The following CRBN variants were observed in gnomAD, a reference collection of about 807,000 sequenced individuals.
CRBN encodes protein cereblon.
CRBN carries 53 observed loss-of-function variants against 62.2 expected under a neutral mutation model. The ratio of observed to expected loss-of-function variants is 0.85; its 90% confidence interval spans 0.68 to 1.07. The LOEUF is 1.07. Among genes scored for constraint, CRBN ranks in the 50% least tolerant of loss-of-function variants. The probability of loss-of-function intolerance (pLI) is 0.00; values close to 1 mark genes in which losing one functional copy is unlikely to be tolerated. For synonymous variants in CRBN, 208 were observed against 176.1 expected (o/e 1.18, Z -1.43); for missense variants, 616 against 531.1 (o/e 1.16, Z -1.57).
intron 5 of CRBN, among the ~76,000 whole-genome samples, chr3:3,161,363 A>G (rs1575088734): frequency 6.6e-6 from 1 of 152,236 alleles, no homozygotes; most frequent in Non-Finnish European, 1.5e-5. Flanking sequence ...TCAATGTAAT[A>G]TATTTCACTT....
intron 10 of CRBN, among the ~76,000 whole-genome samples, chr3:3,152,228 G>GC (rs1237686090): frequency 6.6e-6 from 1 of 150,410 alleles, no homozygotes; most frequent in Non-Finnish European, 1.5e-5. Context: ...TTGGCTCACT[G>GC]CAACACTCTT....
intron 1 of CRBN, 111 bp downstream of exon 1, chr3:3,179,510 T>G (rs1258895221): frequency 3.8e-6 from 4 of 1,053,792 alleles, no homozygotes; most frequent in Non-Finnish European, 5.8e-6. Flanking sequence ...CCTGCTGGGC[T>G]GGCTCGCCAG....
At chr3:3,175,791 T>C (rs1037122146) in intron 1 of CRBN, among the ~76,000 whole-genome samples, 1 of 152,142 alleles carries the variant, frequency 6.6e-6, no homozygotes, top group African/African-American at 2.4e-5. Flanking sequence ...TTTTGTAGAG[T>C]ATCCCTCAAC....
At chr3:3,159,710 G>A (rs1400563169) in intron 5 of CRBN, among the ~76,000 whole-genome samples, 2 of 152,118 alleles carry the variant, frequency 1.3e-5, no homozygotes, top group African/African-American at 4.8e-5. Context: ...CTTAATATTT[G>A]TGATGTGTGT....
chr3:3,174,072 C>T lies in CRBN; in HGVS notation c.364G>A (p.Val122Ile). 1 of 1,613,970 alleles carries T rather than the reference C, an allele frequency of 6.2e-7. No individual in the cohort carries two copies. Among genetic ancestry groups the T allele is most frequent in the South Asian group, 1.1e-5 (1 of 91,082 alleles). ...CTAATATTTTACCTGTATGCAAGAACAGCAAAGGTTCTATCTTTCTGAATT... is the reference window on the plus strand; with the variant it reads ...CTAATATTTTACCTGTATGCAAGAATAGCAAAGGTTCTATCTTTCTGAATT... ...NLIQKDRTFA[V>I]LAYSNVQERE... The change falls in exon 3 of 11, where the codon GTT becomes ATT. Residue 122 changes from valine (V) to isoleucine (I), a missense_variant. Coordinates refer to ENST00000231948, the MANE Select transcript of CRBN (RefSeq NM_016302.4).
Position 3,154,054 on chromosome 3 carries a change from G to GC in CRBN, c.856dup (p.Ala286GlyfsTer6), listed in dbSNP as rs1322707721. On this transcript the variant is annotated frameshift_variant, in exon 8 of 11. Coordinates refer to ENST00000231948, the MANE Select transcript of CRBN (RefSeq NM_016302.4). LOFTEE classifies it high-confidence loss of function. Reference sequence around the variant, plus strand: ...CAATACATCATCAATAGGAAGACAAGCAGCTACTCTGTAAGAAAAATCTTC... The same window carrying GC: ...CAATACATCATCAATAGGAAGACAAGCCAGCTACTCTGTAAGAAAAATCTTC... The GC allele has an allele frequency of 6.2e-7, 1 of 1,612,318 alleles. No homozygotes were observed. The highest frequency in any genetic ancestry group is 8.5e-7 in the Non-Finnish European group (1 of 1,178,478).
intron 9 of CRBN, 109 bp from the exon 10 acceptor site, chr3:3,152,696 G>T: frequency 7.6e-7 from 1 of 1,323,346 alleles, no homozygotes; most frequent in Non-Finnish European, 1.1e-6. Context: ...GAGCTATACA[G>T]TTTTTAATCC....
intron 5 of CRBN, among the ~76,000 whole-genome samples, chr3:3,158,248 A>G (rs898215631): frequency 1.3e-5 from 2 of 152,194 alleles, no homozygotes; most frequent in African/African-American, 2.4e-5. Flanking sequence ...TTGCGCTCCT[A>G]TAAGAATCTA....
intron 1 of CRBN, among the ~76,000 whole-genome samples, chr3:3,179,381 TA>T (rs1707971698): frequency 6.6e-6 from 1 of 152,154 alleles, no homozygotes; most frequent in African/African-American, 2.4e-5. Context: ...TTCCTGTTCT[TA>T]ATAGCAAATG....
chr3:3,153,790 A>G (rs1706745956), intron 8 of CRBN, 170 bp downstream of exon 8: 2 of 647,952 alleles, frequency 3.1e-6, no homozygotes, highest in East Asian at 2.7e-5. Context: ...AAATGTATTC[A>G]TATTTGACAA....
At chr3:3,156,631 G>GA in intron 5 of CRBN, 1 of 268,260 alleles carries the variant, frequency 3.7e-6, no homozygotes, top group Non-Finnish European at 7.1e-6. Context: ...TCCAGTATCT[G>GA]AAGTGAAAAC....
intron 1 of CRBN, among the ~76,000 whole-genome samples, chr3:3,177,827 T>C (rs75333422): frequency 0.015 from 2,284 of 152,266 alleles, 18 homozygotes; most frequent in Non-Finnish European, 0.022. Context: ...ATCTCAAATA[T>C]AAAGCTTTTT....
At chr3:3,171,093 CTGTGCG>C (rs1372459384) in intron 4 of CRBN, among the ~76,000 whole-genome samples, 8 of 152,338 alleles carry the variant, frequency 5.3e-5, no homozygotes, top group Non-Finnish European at 1.0e-4. Flanking sequence ...GCATGAGCCA[CTGTGCG>C]CGGCCTGATG....
chr3:3,157,839 G>A (rs1394883603), intron 5 of CRBN, among the ~76,000 whole-genome samples: 1 of 152,158 alleles, frequency 6.6e-6, no homozygotes, highest in Non-Finnish European at 1.5e-5. Context: ...ATTCCATGCT[G>A]TTCAAATATG....
Position 3,150,782 on chromosome 3 carries a change from G to GTA in CRBN, c.*81_*82dup. 7.8e-7 allele frequency: 1 copy of GTA among 1,290,078 alleles called. No homozygotes were observed. The highest frequency in any genetic ancestry group is 1.1e-6 in the Non-Finnish European group (1 of 909,802). The allele number at this position is 1,290,078 out of a possible 1,614,324, so 79.9% of individuals were successfully genotyped here. ...AGGTATTAATGTTATGTTTACTTAG[G>GTA]TATGTATCAGAGGCAATAATTTCCA... is the stretch of plus-strand genomic sequence containing the variant. On this transcript the variant is annotated 3_prime_UTR_variant, in exon 11 of 11. Coordinates refer to ENST00000231948, the MANE Select transcript of CRBN (RefSeq NM_016302.4).
intron 6 of CRBN, 40 bp downstream of exon 6, chr3:3,156,179 G>C (rs1334435793): frequency 1.3e-6 from 2 of 1,499,226 alleles, no homozygotes; most frequent in Non-Finnish European, 9.3e-7. Context: ...TTATGACATG[G>C]CCTACCATAT....
At chr3:3,160,121 T>A (rs1306964410) in intron 5 of CRBN, among the ~76,000 whole-genome samples, 1 of 152,200 alleles carries the variant, frequency 6.6e-6, no homozygotes, top group African/African-American at 2.4e-5. Flanking sequence ...AGGTAATCTA[T>A]CACAGTCCTC....
Position 3,167,365 on chromosome 3 carries a change from C to T in CRBN, c.687+269G>A, listed in dbSNP as rs376749284. 7.6e-4 allele frequency: 246 copies of T among 325,406 alleles called. 2 individuals carry two copies. The Middle Eastern group carries it at 7.9e-3, about 10-fold the overall frequency. 20.2% of individuals were successfully genotyped at this position (325,406 alleles called of 1,614,324 possible). A position where few individuals can be genotyped will look rare whatever the true frequency, so the allele number is the denominator to read the frequency against. The stretch of plus-strand genomic sequence containing the variant: ...TTGATCATAGTTTAATAAGCATTTC[C>T]CATGGAATTAAAAATCAAAAGCGAT... On this transcript the variant is annotated intron_variant, in intron 5 of 10. Coordinates refer to ENST00000231948, the MANE Select transcript of CRBN (RefSeq NM_016302.4).
At chr3:3,154,359 A>T (rs559789196) in intron 7 of CRBN, 1 of 476,850 alleles carries the variant, frequency 2.1e-6, no homozygotes, top group South Asian at 2.2e-5. Context: ...AAAATAACTA[A>T]ACTATACCTT....
Sources: gnomAD v4.1 joint callset for allele counts (sites outside exome capture counted in the v4.1 genomes callset) on GRCh38, gnomAD v4.1.1 for gene constraint, MANE v1.5 for transcripts, NCBI Gene and HGNC (gene_info 2026-07-23, HGNC 2026-07-21) for gene names.